The following CPLANE1 variants were observed in gnomAD, a reference collection of about 807,000 sequenced individuals.
The protein encoded by CPLANE1 is ciliogenesis and planar polarity effector complex subunit 1.
Under a neutral mutation model 362.5 loss-of-function variants are expected in CPLANE1, and 263 were observed. The ratio of observed to expected loss-of-function variants is 0.73; its 90% CI spans 0.66 to 0.80. The LOEUF is 0.80. Ranked by LOEUF, CPLANE1 falls within the 30% of genes least tolerant of loss-of-function variation. CPLANE1 has a pLI of 0.00. For missense variants in CPLANE1, 3,461 were observed against 3,793.4 expected (o/e 0.91, Z 2.30); for synonymous variants, 1,212 against 1,302.6 (o/e 0.93, Z 1.50).
chr5:37,203,205 T>C (rs1789705864), intron 18 of CPLANE1, among the ~76,000 whole-genome samples: 1 of 152,218 alleles, frequency 6.6e-6, no homozygotes, highest in African/African-American at 2.4e-5. Context: ...TCCCTGTTTA[T>C]TCTCAGGCAA....
intron 8 of CPLANE1, among the ~76,000 whole-genome samples, chr5:37,236,933 G>C (rs1407680029): frequency 6.6e-6 from 1 of 152,128 alleles, no homozygotes; most frequent in Admixed American, 6.5e-5. Flanking sequence ...AGTATGCAGA[G>C]GAAAGGGAAC....
intron 18 of CPLANE1, among the ~76,000 whole-genome samples, chr5:37,203,782 C>T (rs1789898318): frequency 6.6e-6 from 1 of 152,102 alleles, no homozygotes; most frequent in South Asian, 2.1e-4. Context: ...CCTCCCAAAG[C>T]ATTGAGATTA....
At chr5:37,160,671 CTT>C (rs1328332570) in intron 38 of CPLANE1, among the ~76,000 whole-genome samples, 38 of 138,456 alleles carry the variant, frequency 2.7e-4, no homozygotes, top group Admixed American at 2.9e-4. Flanking sequence ...AAAATAATGA[CTT>C]TTTTTTTTTT....
intron 42 of CPLANE1, among the ~76,000 whole-genome samples, chr5:37,152,995 A>G (rs889367794): frequency 3.3e-5 from 5 of 152,342 alleles, no homozygotes; most frequent in Non-Finnish European, 5.9e-5. Context: ...ATAGAAGGAC[A>G]ATAATATTTG....
At position 37,186,380 on chromosome 5, in the gene CPLANE1, G is replaced by T; in HGVS notation, c.4095C>A (p.Phe1365Leu). 2.5e-6 allele frequency: 4 copies of T among 1,574,308 alleles called. No homozygotes were observed. The East Asian group carries it at 9.0e-5, about 35-fold the overall frequency. Residue 1365 changes from phenylalanine (F) to leucine (L), a missense_variant, in exon 24 of 53, where the codon TTC (phenylalanine) becomes TTA (leucine). Physicochemically the swap from Phe to Leu is conservative, Grantham distance 22 (BLOSUM62 0). Coordinates refer to ENST00000651892, the MANE Select transcript of CPLANE1 (RefSeq NM_001384732.1). ...CCTCAGGATAGGGAAATGCTTTCACGAAAATTTCTGCTACCTTCAGAAAAA... is the reference window on the plus strand; with the variant it reads ...CCTCAGGATAGGGAAATGCTTTCACTAAAATTTCTGCTACCTTCAGAAAAA... ...LPPIRKVAEI[F>L]VKAFPYPEDV...
At chr5:37,189,576 C>T (rs1225057349) in intron 21 of CPLANE1, among the ~76,000 whole-genome samples, 1 of 152,194 alleles carries the variant, frequency 6.6e-6, no homozygotes, top group Non-Finnish European at 1.5e-5. Flanking sequence ...AACAGTGACT[C>T]ATCTAAAAAC....
At chr5:37,090,945 C>A in the CPLANE1 span, among the ~76,000 whole-genome samples, 1 of 152,284 alleles carries the variant, frequency 6.6e-6, no homozygotes, top group East Asian at 1.9e-4. Flanking sequence ...CATTCCAGGC[C>A]ACAGCTTTCT....
At chr5:37,144,023 G>C (rs866286344) in intron 43 of CPLANE1, among the ~76,000 whole-genome samples, 1 of 151,634 alleles carries the variant, frequency 6.6e-6, no homozygotes, top group African/African-American at 2.4e-5. Flanking sequence ...GAAAAAATGG[G>C]GAGGAAGCAG....
chr5:37,078,497 G>C, the CPLANE1 span, among the ~76,000 whole-genome samples: 2 of 152,124 alleles, frequency 1.3e-5, no homozygotes, highest in African/African-American at 4.8e-5. Flanking sequence ...TGTGAATAGT[G>C]CTGCAGTGAA....
In CPLANE1 at chr5:37,184,906, TC is replaced by T. The variant is rs1561531833; in HGVS notation, c.4362del (p.Thr1455LeufsTer3). 7 of 1,614,108 alleles carry T rather than the reference TC, an allele frequency of 4.3e-6. No homozygotes were observed. Among genetic ancestry groups the T allele is most frequent in the Middle Eastern group, 1.6e-4 (1 of 6,062 alleles). On this transcript the variant is annotated frameshift_variant, in exon 25 of 53. Coordinates refer to ENST00000651892, the MANE Select transcript of CPLANE1 (RefSeq NM_001384732.1). ...EAPGVDRYSLGTSLSRSTLTE... is the reference protein window; with the variant it reads ...EAPGVDRYSLXTSLSRSTLTE... ...GTGAGTGTACTTCTGCTCAAACTAG[TC>T]CCCAGGGAATATCTGTCAACACCTG... is the stretch of plus-strand genomic sequence containing the variant.
At chr5:37,083,267 G>T in the CPLANE1 span, among the ~76,000 whole-genome samples, 1 of 152,180 alleles carries the variant, frequency 6.6e-6, no homozygotes, top group Non-Finnish European at 1.5e-5. Flanking sequence ...CAGGACAAAA[G>T]AATCTGAACA....
At position 37,153,897 on chromosome 5, in the gene CPLANE1, G is replaced by T. The variant is rs1561424000; in HGVS notation, c.8216C>A (p.Ala2739Glu). 3.1e-6 allele frequency: 5 copies of T among 1,614,130 alleles called. No homozygotes were observed. The highest frequency in any genetic ancestry group is 4.2e-6 in the Non-Finnish European group (5 of 1,180,018). The change falls in exon 42 of 53, where the codon GCA (alanine) becomes GAA (glutamate). Residue 2739 changes from alanine (A) to glutamate (E), a missense_variant. Ala to Glu is a moderately radical substitution (Grantham distance 107). Transcript: ENST00000651892. ...LLWKRLQGVS[A>E]ACPAPSSAAH... ...TGCAGAGCTTGGTGCAGGGCAAGCT[G>T]CAGAGACACCTTGCAGCCGTTTCCA...
At chr5:37,090,154 CCCT>C in the CPLANE1 span, among the ~76,000 whole-genome samples, 1 of 152,060 alleles carries the variant, frequency 6.6e-6, no homozygotes, top group African/African-American at 2.4e-5. Context: ...GATATTTAAC[CCCT>C]GCAGCAAAAA....
intron 46 of CPLANE1, 147 bp downstream of exon 46, chr5:37,138,573 C>A: frequency 1.2e-6 from 1 of 837,530 alleles, no homozygotes; most frequent in Non-Finnish European, 2.0e-6. Flanking sequence ...GGAAGAATGA[C>A]ACATATACAT....
chr5:37,177,739 A>T, intron 29 of CPLANE1, 39 bp from the exon 30 acceptor site: 1 of 1,461,086 alleles, frequency 6.8e-7, no homozygotes, highest in Non-Finnish European at 9.6e-7. Context: ...AAACAGGTAA[A>T]ACAAATAGGT....
chr5:37,184,592 T>G (rs980669197), intron 25 of CPLANE1, among the ~76,000 whole-genome samples, 196 bp downstream of exon 25: 3 of 152,158 alleles, frequency 2.0e-5, no homozygotes, highest in African/African-American at 7.2e-5. Context: ...CAATAATACT[T>G]AAAGTAAATT....
At chr5:37,220,085 T>C (rs1171378390) in intron 15 of CPLANE1, among the ~76,000 whole-genome samples, 6 of 151,844 alleles carry the variant, frequency 4.0e-5, no homozygotes, top group African/African-American at 1.5e-4. Context: ...AAATCCCATC[T>C]CTACAAAAAA....
At chr5:37,241,297 T>C (rs1243597064) in intron 6 of CPLANE1, among the ~76,000 whole-genome samples, 1 of 151,724 alleles carries the variant, frequency 6.6e-6, no homozygotes, top group East Asian at 2.0e-4. Context: ...TTACTAAAAA[T>C]ACAAAAAATT....
intron 41 of CPLANE1, among the ~76,000 whole-genome samples, chr5:37,154,966 A>G (rs555995986): frequency 6.6e-5 from 10 of 152,292 alleles, no homozygotes; most frequent in Admixed American, 2.0e-4. Flanking sequence ...AGAGACCAGA[A>G]AGTCACTCGA....
Sources: allele counts gnomAD v4.1 joint callset (sites outside exome capture counted in the v4.1 genomes callset), GRCh38; gene constraint gnomAD v4.1.1; transcripts MANE v1.5; gene names NCBI Gene and HGNC (gene_info 2026-07-23, HGNC 2026-07-21).